Variants in TSPAN19 observed in about 807,000 individuals in gnomAD.
TSPAN19 encodes tetraspanin-19.
In TSPAN19, 44 loss-of-function variants were observed where a neutral mutation model predicts 35.1. The ratio of observed to expected loss-of-function variants is 1.25; its 90% CI spans 0.98 to 1.61. The LOEUF (loss-of-function observed/expected upper bound fraction) is 1.61. Among genes scored for constraint, TSPAN19 ranks in the 40% most tolerant of loss-of-function variants. The pLI is 0.00. For synonymous variants in TSPAN19, 79 were observed against 92.0 expected, an observed-to-expected ratio of 0.86 and a Z score of 0.81; for missense variants, 290 against 280.0, an observed-to-expected ratio of 1.04 and a Z score of -0.26.
At position 85,019,657 on chromosome 12, in the gene TSPAN19, T is replaced by C; in HGVS notation, c.419A>G (p.Lys140Arg). The C allele has an allele frequency of 1.9e-6, 3 of 1,608,092 alleles. No individual in the cohort carries two copies. The highest frequency in any genetic ancestry group is 1.1e-5 in the South Asian group (1 of 90,642). Residue 140 changes from lysine to arginine, a missense_variant, in exon 6 of 9, where the codon AAG (lysine) becomes AGG (arginine). Physicochemically the swap from Lys to Arg is conservative, Grantham distance 26. Transcript: ENST00000532498. ...CTGTAAGGCATTCAGAATAGTCCAC[T>C]TGGTTATATCTTCAGGCTTATCTTT... ...GSKDKPEDIT[K>R]WTILNALQKT...
intron 7 of TSPAN19, chr12:85,017,066 G>A (rs1249132253): frequency 5.5e-6 from 1 of 182,232 alleles, no homozygotes; most frequent in Non-Finnish European, 1.1e-5. Flanking sequence ...ATCATTGCTG[G>A]GGTCCACTCC....
chr12:85,034,809 G>A (rs1056268714), intron 1 of TSPAN19, among the ~76,000 whole-genome samples: 1 of 152,004 alleles, frequency 6.6e-6, no homozygotes, highest in African/African-American at 2.4e-5. Context: ...GTAAAAAATC[G>A]CATGACAATA....
chr12:85,030,764 G>A (rs1877647492), intron 1 of TSPAN19, among the ~76,000 whole-genome samples: 1 of 151,976 alleles, frequency 6.6e-6, no homozygotes, highest in South Asian at 2.1e-4. Flanking sequence ...AAACTTTCAT[G>A]GAAAAATCAA....
chr12:85,023,892 A>C (rs1434236583), intron 4 of TSPAN19, among the ~76,000 whole-genome samples: 5 of 152,114 alleles, frequency 3.3e-5, no homozygotes, highest in African/African-American at 1.2e-4. Flanking sequence ...CAAATAAAAT[A>C]ATTTTTACAT....
chr12:85,015,785 T>C, intron 8 of TSPAN19, 103 bp downstream of exon 8: 2 of 787,120 alleles, frequency 2.5e-6, no homozygotes, highest in Non-Finnish European at 3.9e-6. Context: ...CTGGCTCTAT[T>C]ATATGAACTT....
intron 5 of TSPAN19, among the ~76,000 whole-genome samples, chr12:85,021,571 A>G (rs911091375): frequency 1.2e-4 from 19 of 152,078 alleles, no homozygotes; most frequent in African/African-American, 3.9e-4. Context: ...AATTTCATAC[A>G]TAAGTACTTT....
intron 4 of TSPAN19, 23 bp from the exon 5 acceptor site, chr12:85,023,423 A>T: frequency 6.6e-7 from 1 of 1,515,314 alleles, no homozygotes; most frequent in Non-Finnish European, 9.0e-7. Flanking sequence ...AAAAATAGAG[A>T]TGATGACTAT....
intron 6 of TSPAN19, among the ~76,000 whole-genome samples, chr12:85,018,740 G>T (rs575263376): frequency 5.3e-5 from 8 of 151,886 alleles, no homozygotes; most frequent in Non-Finnish European, 7.4e-5. Flanking sequence ...GTGCCAGATT[G>T]TGTGGGTTTG....
chr12:85,025,435 C>T (rs960880798), intron 4 of TSPAN19, among the ~76,000 whole-genome samples: 5 of 149,280 alleles, frequency 3.3e-5, no homozygotes, highest in African/African-American at 9.9e-5. Flanking sequence ...CCACCACACC[C>T]GGCATATGAA....
Position 85,014,428 on chromosome 12 carries a change from A to C in TSPAN19, c.*59T>G. 1 of 1,250,744 alleles carries C rather than the reference A, an allele frequency of 8.0e-7. No homozygotes were observed. Among genetic ancestry groups the C allele is most frequent in the Non-Finnish European group, 1.1e-6 (1 of 879,198 alleles). The allele number at this position is 1,250,744 out of a possible 1,614,324, so 77.5% of individuals were successfully genotyped here. ...TTCAAAACGTTTTTGGAATAAAATA[A>C]TATAATGTGATTTTTTAAGAATTAA... On this transcript the variant is annotated 3_prime_UTR_variant, in exon 9 of 9. Coordinates refer to ENST00000532498, the MANE Select transcript of TSPAN19 (RefSeq NM_001100917.2).
At chr12:85,034,072 G>T (rs1023476227) in intron 1 of TSPAN19, among the ~76,000 whole-genome samples, 1 of 151,918 alleles carries the variant, frequency 6.6e-6, no homozygotes, top group Non-Finnish European at 1.5e-5. Flanking sequence ...CAGCTGGGAG[G>T]GAGCACAAAG....
intron 1 of TSPAN19, among the ~76,000 whole-genome samples, chr12:85,032,270 A>G (rs571986436): frequency 2.0e-5 from 3 of 152,218 alleles, no homozygotes; most frequent in African/African-American, 7.2e-5. Context: ...TGTGAATGAA[A>G]GAGAAGAGGG....
intron 4 of TSPAN19, among the ~76,000 whole-genome samples, chr12:85,025,464 G>C (rs1348717857): frequency 6.6e-6 from 1 of 151,470 alleles, no homozygotes; most frequent in African/African-American, 2.4e-5. Flanking sequence ...TAAAATTACT[G>C]GGTATCTTAG....
At chr12:85,028,658 T>C (rs765024788) in intron 3 of TSPAN19, among the ~76,000 whole-genome samples, 2 of 152,156 alleles carry the variant, frequency 1.3e-5, no homozygotes, top group African/African-American at 2.4e-5. Context: ...GTGTAGGCAG[T>C]AGTGTGCTGG....
intron 6 of TSPAN19, among the ~76,000 whole-genome samples, chr12:85,017,807 T>C (rs1876900859): frequency 6.6e-6 from 1 of 151,922 alleles, no homozygotes; most frequent in South Asian, 2.1e-4. Context: ...TAAAGATCTC[T>C]GCTCACATTA....
At chr12:85,030,871 A>G (rs1034204697) in intron 1 of TSPAN19, among the ~76,000 whole-genome samples, 4 of 151,960 alleles carry the variant, frequency 2.6e-5, no homozygotes, top group African/African-American at 9.7e-5. Context: ...TTCTCTTCTC[A>G]CTGTTTTAAT....
At chr12:85,034,881 T>C (rs1159306654) in intron 1 of TSPAN19, among the ~76,000 whole-genome samples, 2 of 152,228 alleles carry the variant, frequency 1.3e-5, no homozygotes, top group Non-Finnish European at 2.9e-5. Flanking sequence ...TTTTCTTTTT[T>C]GCTGTCAATA....
chr12:85,015,103 C>T (rs1341186945), intron 8 of TSPAN19: 1 of 151,810 alleles, frequency 6.6e-6, no homozygotes, highest in Non-Finnish European at 1.5e-5. Context: ...AAATTGTTAC[C>T]AATTGAAGAG....
rs914377144 is a variant in TSPAN19, at chr12:85,017,793, T to C, written c.451-194A>G. Among the ~76,000 whole-genome samples the C allele has an allele frequency of 2.6e-5, 4 of 151,900 alleles. No individual in the cohort carries two copies. In the South Asian group the frequency reaches 8.3e-4, roughly 31 times the overall value. ...TTTCTGCTATTATTGTTGTCAGCCA[T>C]AGATAAAGATCTCTGCTCACATTAG... On this transcript the variant is annotated intron_variant, in intron 6 of 8. Transcript: ENST00000532498.
Sources: gnomAD v4.1 joint callset for allele counts (sites outside exome capture counted in the v4.1 genomes callset) on GRCh38, gnomAD v4.1.1 for gene constraint, MANE v1.5 for transcripts, NCBI Gene and HGNC (gene_info 2026-07-23, HGNC 2026-07-21) for gene names.